EXT1: variants seen among roughly 807,000 people sequenced by gnomAD.
EXT1 encodes the protein exostosin glycosyltransferase 1.
A neutral mutation model predicts 82.5 loss-of-function variants in EXT1; 20 were observed. The ratio of observed to expected loss-of-function variants is 0.24; its 90% CI spans 0.17 to 0.35. The LOEUF (loss-of-function observed/expected upper bound fraction) is 0.35, where lower values mean the gene tolerates loss of function less well. Among genes scored for constraint, EXT1 ranks in the 10% least tolerant of loss-of-function variants. The probability of loss-of-function intolerance (pLI) is 1.00; values close to 1 mark genes in which losing one functional copy is unlikely to be tolerated. For synonymous variants in EXT1, 348 were observed against 350.8 expected (o/e 0.99, Z 0.09); for missense variants, 757 against 936.5 (o/e 0.81, Z 2.50).
intron 9 of EXT1, among the ~76,000 whole-genome samples, chr8:117,805,500 T>A (rs896305940): frequency 3.4e-4 from 52 of 152,308 alleles, no homozygotes; most frequent in African/African-American, 1.2e-3. Flanking sequence ...TTATTTCTCA[T>A]CCTACTGTTT....
chr8:118,062,805 C>G (rs551816525), intron 1 of EXT1, among the ~76,000 whole-genome samples: 11 of 152,258 alleles, frequency 7.2e-5, no homozygotes, highest in Admixed American at 5.2e-4. Context: ...CTGAACAAAG[C>G]AAGGAAACTG....
intron 1 of EXT1, among the ~76,000 whole-genome samples, chr8:117,857,368 C>T (rs1399636211): frequency 6.6e-6 from 1 of 152,026 alleles, no homozygotes; most frequent in Non-Finnish European, 1.5e-5. Context: ...CCAACCTGGG[C>T]AACATAGCAA....
chr8:118,090,463 G>A (rs376775037), intron 1 of EXT1, among the ~76,000 whole-genome samples: 3 of 151,718 alleles, frequency 2.0e-5, no homozygotes, highest in East Asian at 3.9e-4. Flanking sequence ...CGTGGAAGCT[G>A]AAGCCACTCT....
chr8:117,831,610 T>G (rs1355159279), intron 3 of EXT1: 1 of 471,192 alleles, frequency 2.1e-6, no homozygotes, highest in Admixed American at 2.3e-5. Flanking sequence ...TCTTTCTGCA[T>G]GCTTGCCTCC....
At chr8:118,025,388 A>G (rs1342451872) in intron 1 of EXT1, among the ~76,000 whole-genome samples, 3 of 152,178 alleles carry the variant, frequency 2.0e-5, no homozygotes, top group African/African-American at 7.2e-5. Context: ...TCATGGAATA[A>G]AAACAAAAAC....
intron 1 of EXT1, among the ~76,000 whole-genome samples, chr8:117,980,689 G>A (rs1172019851): frequency 2.7e-5 from 3 of 113,100 alleles, no homozygotes; most frequent in African/African-American, 1.1e-4. Context: ...GTTTGTTCGG[G>A]TGTTGGTGGT....
intron 1 of EXT1, among the ~76,000 whole-genome samples, chr8:117,894,634 G>C (rs541290555): frequency 3.7e-4 from 56 of 152,262 alleles, no homozygotes; most frequent in African/African-American, 1.3e-3. Flanking sequence ...TTTGGGGACT[G>C]AATTTAAAGT....
intron 9 of EXT1, 45 bp from the exon 10 acceptor site, chr8:117,804,938 G>A: frequency 1.3e-6 from 2 of 1,594,600 alleles, no homozygotes; most frequent in South Asian, 1.1e-5. Context: ...ATTATCACAT[G>A]ATGACAAGTG....
intron 1 of EXT1, among the ~76,000 whole-genome samples, chr8:117,844,885 T>C (rs1423270289): frequency 1.3e-5 from 2 of 149,752 alleles, no homozygotes; most frequent in Non-Finnish European, 2.9e-5. Context: ...TCAAGACAGT[T>C]TTTTGCCTTG....
intron 1 of EXT1, among the ~76,000 whole-genome samples, chr8:117,960,784 C>T (rs1814683340): frequency 6.6e-6 from 1 of 152,128 alleles, no homozygotes; most frequent in African/African-American, 2.4e-5. Context: ...CAAAATTAGA[C>T]ATTTAATTTT....
intron 1 of EXT1, among the ~76,000 whole-genome samples, chr8:118,053,593 C>T (rs181849307): frequency 1.0e-3 from 156 of 152,306 alleles, no homozygotes; most frequent in African/African-American, 3.4e-3. Context: ...GGAAGATCCC[C>T]TTTTCTTCAA....
chr8:117,978,454 C>G (rs975508761), intron 1 of EXT1, among the ~76,000 whole-genome samples: 1 of 151,906 alleles, frequency 6.6e-6, no homozygotes, highest in African/African-American at 2.4e-5. Context: ...AGGTCACATT[C>G]AACTATGTAA....
chr8:117,922,079 C>T (rs903425290), intron 1 of EXT1, among the ~76,000 whole-genome samples: 7 of 151,876 alleles, frequency 4.6e-5, no homozygotes, highest in Non-Finnish European at 8.8e-5. Flanking sequence ...TTTGCTGCTG[C>T]AGGAGATAAT....
At chr8:117,802,078 C>T (rs1823175126) in intron 10 of EXT1, among the ~76,000 whole-genome samples, 1 of 152,150 alleles carries the variant, frequency 6.6e-6, no homozygotes, top group Non-Finnish European at 1.5e-5. Flanking sequence ...ACCGGTCATA[C>T]AAACATTCAA....
At chr8:117,830,371 T>C (rs765276436) in intron 3 of EXT1, 22 bp from the exon 4 acceptor site, 44 of 1,612,834 alleles carry the variant, frequency 2.7e-5, no homozygotes, top group East Asian at 2.2e-4. Context: ...GGTGAACACA[T>C]AGGAATTATA....
intron 1 of EXT1, among the ~76,000 whole-genome samples, chr8:118,000,032 C>T (rs1815628902): frequency 6.6e-6 from 1 of 152,228 alleles, no homozygotes; most frequent in African/African-American, 2.4e-5. Context: ...CATACACACA[C>T]ACACAGTTTA....
chr8:118,023,702 A>G (rs1811420291), intron 1 of EXT1, among the ~76,000 whole-genome samples: 1 of 152,244 alleles, frequency 6.6e-6, no homozygotes, highest in Non-Finnish European at 1.5e-5. Flanking sequence ...GATTAACACT[A>G]AAGAGGTAGA....
chr8:117,871,339 T>C (rs1444615422), intron 1 of EXT1, among the ~76,000 whole-genome samples: 1 of 152,244 alleles, frequency 6.6e-6, no homozygotes, highest in Non-Finnish European at 1.5e-5. Flanking sequence ...TGGAATACTC[T>C]GGCACCAACA....
At chr8:117,846,434 C>G (rs924481518) in intron 1 of EXT1, among the ~76,000 whole-genome samples, 1 of 152,136 alleles carries the variant, frequency 6.6e-6, no homozygotes, top group East Asian at 1.9e-4. Context: ...CACAGCAATA[C>G]CCACTTCCAA....
Sources: gnomAD v4.1 joint callset for allele counts (sites outside exome capture counted in the v4.1 genomes callset) on GRCh38, gnomAD v4.1.1 for gene constraint, MANE v1.5 for transcripts, NCBI Gene and HGNC (gene_info 2026-07-23, HGNC 2026-07-21) for gene names.